INSYN2B: variants seen among roughly 807,000 people sequenced by gnomAD.
The protein encoded by INSYN2B is protein INSYN2B.
In INSYN2B, 16 loss-of-function variants were observed where a neutral mutation model predicts 41.2. The observed-to-expected ratio is 0.39, with a 90% CI of 0.26 to 0.59. INSYN2B has a LOEUF of 0.59. Among genes scored for constraint, INSYN2B ranks in the 20% least tolerant of loss-of-function variants. INSYN2B has a pLI of 0.57. For synonymous variants in INSYN2B, 245 were observed against 244.4 expected (o/e 1.00, Z -0.02); for missense variants, 608 against 646.4 (o/e 0.94, Z 0.64).
intron 1 of INSYN2B, among the ~76,000 whole-genome samples, chr5:169,959,160 AG>A (rs1220351052): frequency 3.9e-5 from 6 of 152,080 alleles, no homozygotes; most frequent in Non-Finnish European, 7.4e-5. Context: ...TGGGAGGCCG[AG>A]GGGGGCGGAT....
At chr5:169,905,256 G>T (rs261048) in intron 1 of INSYN2B, among the ~76,000 whole-genome samples, 45,477 of 151,296 alleles carry the variant, frequency 0.3, 7,597 homozygotes, top group East Asian at 0.55. Flanking sequence ...GCCCCAGTTG[G>T]TGAATGAAAC....
chr5:169,936,578 C>CTTTT lies in INSYN2B; in HGVS notation c.-919+43695_-919+43698dup, dbSNP rs4041977. Among the ~76,000 whole-genome samples, 764 of 122,784 alleles carry CTTTT rather than the reference C, an allele frequency of 6.2e-3. 12 individuals are homozygous for CTTTT. Among genetic ancestry groups the CTTTT allele is most frequent in the African/African-American group, 0.023 (701 of 31,038 alleles). The allele number at this position is 122,784 out of a possible 152,430, so 80.6% of individuals were successfully genotyped here. A position where few individuals can be genotyped will look rare whatever the true frequency, so the allele number is the denominator to read the frequency against. On this transcript the variant is annotated intron_variant, in intron 1 of 3. Transcript: ENST00000377365. ...AGAATCATTGGTGATTCTCAGACTC[C>CTTTT]TTTTTTTTTTTTTTTTTTTTTATGA... is the stretch of plus-strand genomic sequence containing the variant.
intron 1 of INSYN2B, among the ~76,000 whole-genome samples, chr5:169,974,018 C>T (rs974187353): frequency 6.6e-6 from 1 of 152,192 alleles, no homozygotes; most frequent in Non-Finnish European, 1.5e-5. Flanking sequence ...GACGATCACA[C>T]ACTTTTCCTT....
intron 1 of INSYN2B, among the ~76,000 whole-genome samples, chr5:169,952,178 C>T (rs1776689230): frequency 6.6e-6 from 1 of 152,182 alleles, no homozygotes; most frequent in Non-Finnish European, 1.5e-5. Context: ...GACTAAAAAT[C>T]TCTCATCTTT....
chr5:169,888,405 A>G (rs959611195), intron 1 of INSYN2B, among the ~76,000 whole-genome samples: 16 of 152,128 alleles, frequency 1.1e-4, no homozygotes, highest in African/African-American at 3.1e-4. Context: ...TCTTTGCAAC[A>G]CTTTATTCTG....
chr5:169,959,643 T>A (rs187802425), intron 1 of INSYN2B, among the ~76,000 whole-genome samples: 13 of 152,282 alleles, frequency 8.5e-5, no homozygotes, highest in Admixed American at 7.9e-4. Flanking sequence ...TAAAGGTAAG[T>A]GTTGGACTAA....
At chr5:169,978,400 G>T (rs889213787) in intron 1 of INSYN2B, among the ~76,000 whole-genome samples, 2 of 139,772 alleles carry the variant, frequency 1.4e-5, no homozygotes, top group African/African-American at 2.7e-5. Context: ...TGTGGGGGGG[G>T]GGGGGTGTAG....
At chr5:169,904,343 A>G (rs1162626166) in intron 1 of INSYN2B, among the ~76,000 whole-genome samples, 1 of 152,138 alleles carries the variant, frequency 6.6e-6, no homozygotes, top group African/African-American at 2.4e-5. Context: ...CTTGCTGAGT[A>G]GCTGAGATGT....
intron 1 of INSYN2B, among the ~76,000 whole-genome samples, chr5:169,929,306 A>G (rs1775627467): frequency 6.6e-6 from 1 of 152,170 alleles, no homozygotes; most frequent in Non-Finnish European, 1.5e-5. Context: ...ATTGACACCA[A>G]CAAGTTCATC....
intron 3 of INSYN2B, among the ~76,000 whole-genome samples, chr5:169,866,483 C>T (rs1771570479): frequency 6.6e-6 from 1 of 152,224 alleles, no homozygotes; most frequent in Non-Finnish European, 1.5e-5. Context: ...ATACAACACG[C>T]AGCATAGAGT....
chr5:169,943,055 G>A (rs998951055), intron 1 of INSYN2B, among the ~76,000 whole-genome samples: 3 of 152,162 alleles, frequency 2.0e-5, no homozygotes, highest in African/African-American at 7.2e-5. Context: ...GGGCTGGGCT[G>A]GAGGAACCTG....
chr5:169,885,581 C>T (rs1171556692), intron 1 of INSYN2B, among the ~76,000 whole-genome samples: 1 of 152,158 alleles, frequency 6.6e-6, no homozygotes, highest in Non-Finnish European at 1.5e-5. Flanking sequence ...GAACAACTAC[C>T]TCATAATAAT....
rs550968418 is a variant in INSYN2B, at chr5:169,965,727, G to A, written c.-919+14550C>T. ...AATTTTGACATCTCTCTAATTTCAG[G>A]AACCAATTATAGACTTTCAGAATTT... is the stretch of plus-strand genomic sequence containing the variant. On this transcript the variant is annotated intron_variant, in intron 1 of 3. Transcript: ENST00000377365. Among the ~76,000 whole-genome samples the A allele has an allele frequency of 7.2e-5, 11 of 152,292 alleles. No individual in the cohort carries two copies. In the South Asian group the frequency reaches 2.3e-3, roughly 32 times the overall value.
In INSYN2B at chr5:169,972,947, G is replaced by A. The variant is rs536600123; in HGVS notation, c.-919+7330C>T. On this transcript the variant is annotated intron_variant, in intron 1 of 3. Coordinates refer to ENST00000377365, the MANE Select transcript of INSYN2B (RefSeq NM_001129891.3). ...TGTTAGCAGATCCTAGTACCTGAGTGTGCTGTGACTAGCAGATCTCTTGCA... is the reference window on the plus strand; with the variant it reads ...TGTTAGCAGATCCTAGTACCTGAGTATGCTGTGACTAGCAGATCTCTTGCA... 1.4e-4 allele frequency among the ~76,000 whole-genome samples: 21 copies of A among 152,258 alleles called. 1 individual carries two copies. In the South Asian group the frequency reaches 4.1e-3, roughly 30 times the overall value.
chr5:169,928,194 C>T (rs534164742), intron 1 of INSYN2B, among the ~76,000 whole-genome samples: 20 of 152,188 alleles, frequency 1.3e-4, no homozygotes, highest in Non-Finnish European at 2.6e-4. Context: ...CAAGGCCAAA[C>T]CAATATTGAC....
chr5:169,883,347 G>A lies in INSYN2B; in HGVS notation c.552C>T (p.Ser184=). The change falls in exon 2 of 4, where the codon AGC becomes AGT. Residue 184 remains serine (S), a synonymous_variant. Transcript: ENST00000377365. ...TCCAAGTTCCTGCTTCCAAGCATAT[G>A]CTAACAGGACCATTGCTTTGCACCT... is the stretch of plus-strand genomic sequence containing the variant. ...VPKVQSNGPV[S]ICLEAGTWRS... is the part of the protein sequence containing the mutation. 6.4e-7 allele frequency: 1 copy of A among 1,551,674 alleles called. No individual in the cohort carries two copies. Among genetic ancestry groups the A allele is most frequent in the Non-Finnish European group, 8.7e-7 (1 of 1,146,960 alleles).
chr5:169,885,571 G>A (rs1772926301), intron 1 of INSYN2B, among the ~76,000 whole-genome samples: 1 of 152,164 alleles, frequency 6.6e-6, no homozygotes, highest in Non-Finnish European at 1.5e-5. Context: ...CTTCTCTGAG[G>A]AACAACTACC....
chr5:169,967,274 G>A (rs951655977), intron 1 of INSYN2B, among the ~76,000 whole-genome samples: 3 of 152,216 alleles, frequency 2.0e-5, no homozygotes, highest in Admixed American at 2.0e-4. Flanking sequence ...CTTTCCAGAT[G>A]AAGTGATTTC....
At chr5:169,949,284 A>G (rs1440641862) in intron 1 of INSYN2B, among the ~76,000 whole-genome samples, 1 of 152,094 alleles carries the variant, frequency 6.6e-6, no homozygotes, top group Admixed American at 6.5e-5. Flanking sequence ...CCTGTTCTTT[A>G]CTTCCCAGGA....
Sources: allele counts gnomAD v4.1 joint callset (sites outside exome capture counted in the v4.1 genomes callset), GRCh38; gene constraint gnomAD v4.1.1; transcripts MANE v1.5; gene names NCBI Gene and HGNC (gene_info 2026-07-23, HGNC 2026-07-21).